The following SOSTDC1 variants were observed in gnomAD, a reference collection of about 807,000 sequenced individuals.
SOSTDC1 encodes the protein sclerostin domain-containing protein 1.
In SOSTDC1, 7 loss-of-function variants were observed where a neutral mutation model predicts 15.1. The ratio of observed to expected loss-of-function variants is 0.46; its 90% CI spans 0.26 to 0.87. SOSTDC1 has a LOEUF of 0.87. SOSTDC1 is among the 40% of genes least tolerant of loss of function. SOSTDC1 has a pLI of 0.15. For synonymous variants in SOSTDC1, 94 were observed against 93.2 expected (o/e 1.01, Z -0.05); for missense variants, 242 against 259.2 (o/e 0.93, Z 0.46).
chr7:16,464,482 T>C, intron 1 of SOSTDC1: 1 of 839,552 alleles, frequency 1.2e-6, no homozygotes, highest in Non-Finnish European at 1.9e-6. Context: ...ATCAGATATG[T>C]CCTGTGTACT....
rs201141429 is a variant in SOSTDC1, at chr7:16,465,643, T to C, written c.26A>G (p.Tyr9Cys). MLPPAIHF[Y>C]LLPLACILMK... is the part of the protein sequence containing the mutation. ...TAGGATGCATGCAAGGGGAAGGAGA[T>C]AGAAATGAATGGCAGGAGGAAGCAT... The change falls in exon 1 of 2, where the codon TAT becomes TGT. Residue 9 changes from tyrosine (Y) to cysteine (C), a missense_variant. Coordinates refer to ENST00000307068, the MANE Select transcript of SOSTDC1 (RefSeq NM_015464.3). 6.1e-5 allele frequency: 99 copies of C among 1,613,026 alleles called. No individual in the cohort carries two copies. Among genetic ancestry groups the C allele is most frequent in the Non-Finnish European group, 8.1e-5 (95 of 1,179,162 alleles).
Position 16,462,797 on chromosome 7 carries a change from G to A in SOSTDC1, c.372C>T (p.Ser124=). ...IGGGYGTKYW[S]RRSSQEWRCV... ...ACCGCCACTCCTGGGAGCTCCTCCT[G>A]CTCCAGTACTTTGTTCCATAGCCTC... Residue 124 remains serine, a synonymous_variant, in exon 2 of 2, where the codon AGC becomes AGT. Coordinates refer to ENST00000307068, the MANE Select transcript of SOSTDC1 (RefSeq NM_015464.3). 1 of 1,614,178 alleles carries A rather than the reference G, an allele frequency of 6.2e-7. No individual in the cohort carries two copies. Among genetic ancestry groups the A allele is most frequent in the Non-Finnish European group, 8.5e-7 (1 of 1,180,040 alleles).
In SOSTDC1 at chr7:16,461,551, A is replaced by G. The variant is rs916312977; in HGVS notation, c.*997T>C. 1 of 152,248 alleles carries G rather than the reference A, an allele frequency of 6.6e-6. No individual in the cohort carries two copies. Among genetic ancestry groups the G allele is most frequent in the African/African-American group, 2.4e-5 (1 of 41,466 alleles). 9.4% of individuals were successfully genotyped at this position (152,248 alleles called of 1,614,324 possible). ...GTTAGAGGCAACAACAATAACTTTT[A>G]GCAGTGTTTATTTTTGTTAAAAGAA... is the stretch of plus-strand genomic sequence containing the variant. On this transcript the variant is annotated 3_prime_UTR_variant, in exon 2 of 2. Transcript: ENST00000307068.
chr7:16,463,121 G>A (rs1019946147), intron 1 of SOSTDC1, among the ~76,000 whole-genome samples, 158 bp from the exon 2 acceptor site: 1 of 152,142 alleles, frequency 6.6e-6, no homozygotes, highest in Non-Finnish European at 1.5e-5. Flanking sequence ...AAATCTGTCT[G>A]GATAGTATAG....
intron 1 of SOSTDC1, chr7:16,464,185 G>C (rs921017999): frequency 8.6e-6 from 6 of 697,802 alleles, no homozygotes; most frequent in Non-Finnish European, 1.3e-5. Context: ...AGGGGAACGT[G>C]ATAGTTGTGG....
chr7:16,464,195 G>T, intron 1 of SOSTDC1: 1 of 744,452 alleles, frequency 1.3e-6, no homozygotes. Context: ...GATAGTTGTG[G>T]AAAAACTTAT....
Position 16,465,507 on chromosome 7 carries a change from T to C in SOSTDC1, c.162A>G (p.Arg54=). 6.2e-7 allele frequency: 1 copy of C among 1,614,172 alleles called. No homozygotes were observed. The highest frequency in any genetic ancestry group is 8.5e-7 in the Non-Finnish European group (1 of 1,180,020). The stretch of plus-strand genomic sequence containing the variant: ...TGTTACTGAAATGCCTGCCTCCATT[T>C]CTGGCTTGATTCAACGTGCTGTTGC... The part of the protein sequence containing the change: ...PSSNSTLNQA[R]NGGRHFSNTG... Residue 54 remains arginine, a synonymous_variant, in exon 1 of 2, where the codon AGA becomes AGG. Coordinates refer to ENST00000307068, the MANE Select transcript of SOSTDC1 (RefSeq NM_015464.3).
intron 1 of SOSTDC1, among the ~76,000 whole-genome samples, chr7:16,465,050 G>A (rs1482598935): frequency 6.6e-6 from 1 of 151,642 alleles, no homozygotes; most frequent in African/African-American, 2.4e-5. Flanking sequence ...ATTTGTGGAT[G>A]GTAACTAATA....
intron 1 of SOSTDC1, among the ~76,000 whole-genome samples, chr7:16,464,730 G>A (rs77292213): frequency 0.043 from 6,541 of 151,732 alleles, 447 homozygotes; most frequent in African/African-American, 0.15. Context: ...AGAAACAAAA[G>A]TTAGGGGTAA....
In SOSTDC1 at chr7:16,462,933, C is replaced by T. The variant is rs1410527496; in HGVS notation, c.236G>A (p.Arg79His). ...GCCATCAGAGATGTATTTGGTGGAACGCAGTTCCCGGCAACCCACTTGAAC... is the reference window on the plus strand; with the variant it reads ...GCCATCAGAGATGTATTTGGTGGAATGCAGTTCCCGGCAACCCACTTGAAC... ...TRVQVGCRELRSTKYISDGQC... is the reference protein window; with the variant it reads ...TRVQVGCRELHSTKYISDGQC... Residue 79 changes from arginine (R) to histidine (H), a missense_variant, in exon 2 of 2, where the codon CGT (arginine) becomes CAT (histidine). Arg to His is a conservative substitution (Grantham distance 29). Transcript: ENST00000307068. The T allele has an allele frequency of 1.3e-5, 20 of 1,583,940 alleles. No homozygotes were observed. The highest frequency in any genetic ancestry group is 1.6e-5 in the Non-Finnish European group (19 of 1,159,880).
rs1021559596 is a variant in SOSTDC1 at position 16,464,572 on chromosome 7, A to G, written c.205+892T>C. Among the ~76,000 whole-genome samples, 8 of 152,332 alleles carry G rather than the reference A, an allele frequency of 5.3e-5. No individual in the cohort carries two copies. The East Asian group carries it at 7.7e-4, about 15-fold the overall frequency. On this transcript the variant is annotated intron_variant, in intron 1 of 1. Coordinates refer to ENST00000307068, the MANE Select transcript of SOSTDC1 (RefSeq NM_015464.3). The stretch of plus-strand genomic sequence containing the variant: ...CAGTCAAATTTGCTTTGACTTTTCA[A>G]AAGTCAAAACTACTTTTCGTAGTTG...
rs1562709346 is a variant in SOSTDC1 at position 16,461,483 on chromosome 7, AC to A, written c.*1064del. ...TGACTTAGAAAAAAAAATAGCAATT[AC>A]CCTTATACATTTATTCTACAATTTT... is the stretch of plus-strand genomic sequence containing the variant. On this transcript the variant is annotated 3_prime_UTR_variant, in exon 2 of 2. Transcript: ENST00000307068. 1 of 152,172 alleles carries A rather than the reference AC, an allele frequency of 6.6e-6. No homozygotes were observed. The highest frequency in any genetic ancestry group is 6.5e-5 in the Admixed American group (1 of 15,270). The allele number at this position is 152,172 out of a possible 1,614,324, so 9.4% of individuals were successfully genotyped here.
chr7:16,465,329 G>T, intron 1 of SOSTDC1, 135 bp downstream of exon 1: 1 of 728,394 alleles, frequency 1.4e-6, no homozygotes, highest in Non-Finnish European at 2.3e-6. Context: ...ACCTGCACAT[G>T]CAGCAGATTA....
chr7:16,462,499 T>C lies in SOSTDC1; in HGVS notation c.*49A>G. On this transcript the variant is annotated 3_prime_UTR_variant, in exon 2 of 2. Coordinates refer to ENST00000307068, the MANE Select transcript of SOSTDC1 (RefSeq NM_015464.3). ...GGCTTGAGTCTTCCAAGCAATCAAA[T>C]CTGTAAAGCAGATGGTTACTAGTAA... is the stretch of plus-strand genomic sequence containing the variant. 6.4e-7 allele frequency: 1 copy of C among 1,573,956 alleles called. No individual in the cohort carries two copies. The highest frequency in any genetic ancestry group is 8.7e-7 in the Non-Finnish European group (1 of 1,150,642).
At chr7:16,463,079 A>T (rs1322818496) in intron 1 of SOSTDC1, 116 bp from the exon 2 acceptor site, 1 of 973,502 alleles carries the variant, frequency 1.0e-6, no homozygotes, top group Non-Finnish European at 1.5e-6. Flanking sequence ...CCAAATAGAA[A>T]GTGAGCACCT....
At chr7:16,464,895 T>C (rs1781278577) in intron 1 of SOSTDC1, among the ~76,000 whole-genome samples, 1 of 152,170 alleles carries the variant, frequency 6.6e-6, no homozygotes, top group African/African-American at 2.4e-5. Flanking sequence ...AAAATGTGAT[T>C]CTCCAACATT....
rs538104149 is a variant in SOSTDC1 at position 16,464,595 on chromosome 7, T to A, written c.205+869A>T. On this transcript the variant is annotated intron_variant, in intron 1 of 1. Transcript: ENST00000307068. The stretch of plus-strand genomic sequence containing the variant: ...CAAAAGTCAAAACTACTTTTCGTAG[T>A]TGAATGGAGTGAAGAAGGAGAGGCA... Among the ~76,000 whole-genome samples the A allele has an allele frequency of 4.1e-4, 62 of 152,252 alleles. No individual in the cohort carries two copies. The South Asian group carries it at 0.012, about 30-fold the overall frequency.
intron 1 of SOSTDC1, among the ~76,000 whole-genome samples, chr7:16,463,693 A>G (rs903280479): frequency 1.3e-5 from 2 of 149,896 alleles, no homozygotes; most frequent in Non-Finnish European, 2.9e-5. Flanking sequence ...TATGGTTGCC[A>G]TAACAACTTG....
chr7:16,464,483 C>A (rs900503462), intron 1 of SOSTDC1: 4 of 837,570 alleles, frequency 4.8e-6, no homozygotes, highest in African/African-American at 3.3e-5. Context: ...TCAGATATGT[C>A]CTGTGTACTT....
Sources: allele counts gnomAD v4.1 joint callset (sites outside exome capture counted in the v4.1 genomes callset), GRCh38; gene constraint gnomAD v4.1.1; transcripts MANE v1.5; gene names NCBI Gene and HGNC (gene_info 2026-07-23, HGNC 2026-07-21).